The following RNF180 variants were observed in gnomAD, a reference collection of about 807,000 sequenced individuals.
RNF180 encodes ring finger protein 180.
RNF180 carries 38 observed loss-of-function variants against 59.2 expected under a neutral mutation model. The ratio of observed to expected loss-of-function variants is 0.64; its 90% CI spans 0.50 to 0.84. The LOEUF (loss-of-function observed/expected upper bound fraction) is 0.84. Among genes scored for constraint, RNF180 ranks in the 40% least tolerant of loss-of-function variants. The pLI, the probability that RNF180 is intolerant of heterozygous loss-of-function variation, is 0.00. For missense variants in RNF180, 705 were observed against 700.9 expected (o/e 1.01, Z -0.07); for synonymous variants, 262 against 240.3 (o/e 1.09, Z -0.84).
In RNF180 at chr5:64,217,346, T is replaced by A. The variant is rs1411398261; in HGVS notation, c.1192-15T>A. 1 of 1,392,632 alleles carries A rather than the reference T, an allele frequency of 7.2e-7. No homozygotes were observed. The allele number at this position is 1,392,632 out of a possible 1,614,324, so 86.3% of individuals were successfully genotyped here. ...GTGCTTATTTTTGTGTGAACCTAAT[T>A]TTTTATTTCTCTAGGGTAAATACTC... On this transcript the variant is annotated splice_polypyrimidine_tract_variant and intron_variant, in intron 4 of 7. Coordinates refer to ENST00000389100, the MANE Select transcript of RNF180 (RefSeq NM_001113561.2).
At chr5:64,356,472 A>G (rs1193923573) in intron 7 of RNF180, among the ~76,000 whole-genome samples, 2 of 151,968 alleles carry the variant, frequency 1.3e-5, no homozygotes, top group African/African-American at 4.8e-5. Context: ...AGCTAATCAT[A>G]GAATTACCGT....
At chr5:64,187,064 G>A (rs1390789189) in intron 1 of RNF180, among the ~76,000 whole-genome samples, 1 of 152,116 alleles carries the variant, frequency 6.6e-6, no homozygotes, top group African/African-American at 2.4e-5. Context: ...ACACATGTCT[G>A]CATTTCTTCA....
chr5:64,185,364 A>G (rs1383408530), intron 1 of RNF180, among the ~76,000 whole-genome samples: 2 of 152,204 alleles, frequency 1.3e-5, no homozygotes, highest in Admixed American at 6.5e-5. Context: ...TTTAAAAAGT[A>G]CTGCTTTATC....
chr5:64,187,447 A>G (rs1750928004), intron 1 of RNF180, among the ~76,000 whole-genome samples: 1 of 152,182 alleles, frequency 6.6e-6, no homozygotes, highest in Non-Finnish European at 1.5e-5. Context: ...CATATGCAGA[A>G]CCATTTAAAC....
chr5:64,293,671 A>G (rs1287608790), intron 5 of RNF180, among the ~76,000 whole-genome samples: 2 of 151,858 alleles, frequency 1.3e-5, no homozygotes, highest in Non-Finnish European at 2.9e-5. Flanking sequence ...AATATTCGCA[A>G]TGTATTATTT....
intron 1 of RNF180, among the ~76,000 whole-genome samples, chr5:64,195,082 A>T (rs1025395405): frequency 7.9e-5 from 12 of 152,176 alleles, no homozygotes; most frequent in Non-Finnish European, 1.8e-4. Context: ...TAGCTTATTT[A>T]TAAATTTAAC....
In RNF180 at chr5:64,297,234, A is replaced by G. The variant is rs1375972488; in HGVS notation, c.1228-27952A>G. On this transcript the variant is annotated intron_variant, in intron 5 of 7. Transcript: ENST00000389100. ...GGTTGAGATAGCTTGGTTTCTCTTCATGGTTACTTTTTGTTTTTAAATTTG... is the reference window on the plus strand; with the variant it reads ...GGTTGAGATAGCTTGGTTTCTCTTCGTGGTTACTTTTTGTTTTTAAATTTG... Among the ~76,000 whole-genome samples, 5 of 151,900 alleles carry G rather than the reference A, an allele frequency of 3.3e-5. No homozygotes were observed. In the East Asian group the frequency reaches 9.7e-4, roughly 29 times the overall value.
At chr5:64,333,126 A>C (rs907322043) in intron 7 of RNF180, among the ~76,000 whole-genome samples, 2 of 152,200 alleles carry the variant, frequency 1.3e-5, no homozygotes, top group African/African-American at 4.8e-5. Flanking sequence ...TAACTGTAAA[A>C]ATTTAATATC....
At chr5:64,277,153 C>A (rs1741763048) in intron 5 of RNF180, among the ~76,000 whole-genome samples, 1 of 143,138 alleles carries the variant, frequency 7.0e-6, no homozygotes. Flanking sequence ...AAGTTAGGAT[C>A]CTAATACAAT....
chr5:64,354,263 CAG>C (rs1403432860), intron 7 of RNF180, among the ~76,000 whole-genome samples: 2 of 151,666 alleles, frequency 1.3e-5, no homozygotes, highest in Admixed American at 6.6e-5. Flanking sequence ...AAATAAAAAA[CAG>C]TGGAGACATT....
At chr5:64,240,062 C>T (rs1025006550) in intron 5 of RNF180, among the ~76,000 whole-genome samples, 15 of 152,164 alleles carry the variant, frequency 9.9e-5, no homozygotes, top group African/African-American at 3.6e-4. Context: ...TCTCTGAACT[C>T]ATTAACTGAG....
chr5:64,357,423 G>A (rs1314985001), intron 7 of RNF180, among the ~76,000 whole-genome samples: 3 of 151,688 alleles, frequency 2.0e-5, no homozygotes, highest in Non-Finnish European at 4.4e-5. Context: ...TTGAAAGATA[G>A]GACATGTCTC....
intron 5 of RNF180, among the ~76,000 whole-genome samples, chr5:64,270,905 GT>G: frequency 6.6e-6 from 1 of 152,094 alleles, no homozygotes; most frequent in East Asian, 1.9e-4. Context: ...TACCTGATGT[GT>G]TTTTTGTTTA....
At chr5:64,368,588 T>A (rs1746537167) in intron 7 of RNF180, among the ~76,000 whole-genome samples, 1 of 151,806 alleles carries the variant, frequency 6.6e-6, no homozygotes, top group Non-Finnish European at 1.5e-5. Flanking sequence ...ATCCAGAATC[T>A]ACAATGGACT....
chr5:64,311,425 G>A (rs1743760011), intron 5 of RNF180, among the ~76,000 whole-genome samples: 1 of 151,858 alleles, frequency 6.6e-6, no homozygotes, highest in African/African-American at 2.4e-5. Flanking sequence ...AAGTCCTATG[G>A]TTTCCTGCCT....
intron 1 of RNF180, among the ~76,000 whole-genome samples, chr5:64,173,782 C>T (rs1250465771): frequency 3.3e-5 from 5 of 149,510 alleles, no homozygotes; most frequent in African/African-American, 1.2e-4. Flanking sequence ...ATGGCATGAT[C>T]TCGGCTCACT....
At chr5:64,196,560 T>G (rs1056109536) in intron 1 of RNF180, among the ~76,000 whole-genome samples, 2 of 152,118 alleles carry the variant, frequency 1.3e-5, no homozygotes, top group Non-Finnish European at 2.9e-5. Context: ...TTTCACCCAA[T>G]TTTGACCATT....
intron 5 of RNF180, among the ~76,000 whole-genome samples, chr5:64,252,348 A>G (rs1743636064): frequency 6.6e-6 from 1 of 152,166 alleles, no homozygotes; most frequent in African/African-American, 2.4e-5. Flanking sequence ...GTTAGGAGAA[A>G]TTAGTTTAAA....
At chr5:64,278,705 G>A (rs983183678) in intron 5 of RNF180, among the ~76,000 whole-genome samples, 8 of 152,152 alleles carry the variant, frequency 5.3e-5, no homozygotes, top group Non-Finnish European at 1.0e-4. Flanking sequence ...TAGGTTTAAA[G>A]GAAAAGTTAA....
Sources: gnomAD v4.1 joint callset for allele counts (sites outside exome capture counted in the v4.1 genomes callset) on GRCh38, gnomAD v4.1.1 for gene constraint, MANE v1.5 for transcripts, NCBI Gene and HGNC (gene_info 2026-07-23, HGNC 2026-07-21) for gene names.